SH3GL1: variants seen among roughly 807,000 people sequenced by gnomAD.
SH3GL1 encodes the protein endophilin-A2.
A neutral mutation model predicts 48.8 loss-of-function variants in SH3GL1; 21 were observed. That is an observed-to-expected ratio of 0.43 (90% CI 0.30 to 0.62). The LOEUF (loss-of-function observed/expected upper bound fraction) is 0.62, where lower values mean the gene tolerates loss of function less well. Ranked by LOEUF, SH3GL1 falls within the 20% of genes least tolerant of loss-of-function variation. The pLI is 0.11. For synonymous variants in SH3GL1, 282 were observed against 217.5 expected (o/e 1.30, Z -2.61); for missense variants, 454 against 503.0 (o/e 0.90, Z 0.93).
At chr19:4,379,329 G>C (rs1334585929) in intron 1 of SH3GL1, among the ~76,000 whole-genome samples, 3 of 151,904 alleles carry the variant, frequency 2.0e-5, no homozygotes, top group Non-Finnish European at 4.4e-5. Flanking sequence ...GGGAGGCTGA[G>C]GCAGGAGAAT....
intron 1 of SH3GL1, among the ~76,000 whole-genome samples, chr19:4,369,382 A>G (rs1972850452): frequency 6.6e-6 from 1 of 152,190 alleles, no homozygotes; most frequent in Non-Finnish European, 1.5e-5. Context: ...AGCCGGGAGG[A>G]GAACTGAAGC....
intron 1 of SH3GL1, among the ~76,000 whole-genome samples, chr19:4,381,476 C>T (rs1973128344): frequency 7.5e-6 from 1 of 132,970 alleles, no homozygotes; most frequent in Non-Finnish European, 1.6e-5. Flanking sequence ...CTCTCTGTCC[C>T]CTCTGCCTCT....
intron 9 of SH3GL1, among the ~76,000 whole-genome samples, chr19:4,362,120 A>G (rs997497497): frequency 1.3e-5 from 2 of 152,228 alleles, no homozygotes; most frequent in African/African-American, 4.8e-5. Context: ...TAGCTGGGCT[A>G]GTGCCCTTGG....
intron 1 of SH3GL1, among the ~76,000 whole-genome samples, chr19:4,370,391 C>T (rs1599599323): frequency 6.6e-6 from 1 of 152,346 alleles, no homozygotes; most frequent in African/African-American, 2.4e-5. Context: ...CTGTTCCCAC[C>T]CCGCATGGCA....
At chr19:4,365,975 G>A (rs1351747592) in intron 3 of SH3GL1, among the ~76,000 whole-genome samples, 1 of 152,154 alleles carries the variant, frequency 6.6e-6, no homozygotes, top group African/African-American at 2.4e-5. Context: ...TCCCGGGGTG[G>A]GTGATGAGCT....
chr19:4,389,168 C>T lies in SH3GL1; in HGVS notation c.45+11156G>A, dbSNP rs1973290019. On this transcript the variant is annotated intron_variant, in intron 1 of 9. Coordinates refer to ENST00000269886, the MANE Select transcript of SH3GL1 (RefSeq NM_003025.4). The surrounding 1 kb of genome is among the most constrained non-coding windows in gnomAD (Gnocchi z 4.5). ...CGTCTCTGGCAACCTCATCAGCAGG[C>T]CAGTGCCCAGCAGAACATGGCCCAT... Among the ~76,000 whole-genome samples the T allele has an allele frequency of 1.3e-5, 2 of 152,170 alleles. 1 individual carries two copies. Among genetic ancestry groups the T allele is most frequent in the Admixed American group, 1.3e-4 (2 of 15,276 alleles).
chr19:4,384,388 A>G (rs188080146), intron 1 of SH3GL1, among the ~76,000 whole-genome samples: 43 of 152,208 alleles, frequency 2.8e-4, no homozygotes, highest in African/African-American at 9.6e-4. Context: ...CGAGTGCGCA[A>G]CACACGATAT....
intron 1 of SH3GL1, among the ~76,000 whole-genome samples, chr19:4,391,240 G>T (rs1444350909): frequency 6.6e-6 from 1 of 152,182 alleles, no homozygotes; most frequent in African/African-American, 2.4e-5. Context: ...GCAGTGTCAT[G>T]TTCTCTGTGT....
At chr19:4,363,672 T>G in intron 6 of SH3GL1, 48 bp downstream of exon 6, 1 of 1,609,458 alleles carries the variant, frequency 6.2e-7, no homozygotes, top group Non-Finnish European at 8.5e-7. Context: ...CACCCCGGCC[T>G]CCCAAGGGCA....
At chr19:4,391,870 C>T (rs1568421723) in intron 1 of SH3GL1, among the ~76,000 whole-genome samples, 1 of 152,238 alleles carries the variant, frequency 6.6e-6, no homozygotes, top group African/African-American at 2.4e-5. Flanking sequence ...GGGTCCACGC[C>T]GCCGGCTCCA....
chr19:4,394,126 C>CAAAAAAAAAA (rs34866100), intron 1 of SH3GL1, among the ~76,000 whole-genome samples: 1 of 89,776 alleles, frequency 1.1e-5, no homozygotes, highest in African/African-American at 4.3e-5. Flanking sequence ...TCCTTTCAGG[C>CAAAAAAAAAA]AAAAAAAAAA....
chr19:4,372,410 T>G (rs919925581), intron 1 of SH3GL1, among the ~76,000 whole-genome samples: 1 of 152,152 alleles, frequency 6.6e-6, no homozygotes, highest in Non-Finnish European at 1.5e-5. Flanking sequence ...CAAGGCCTGG[T>G]CAGCCATGGA....
Position 4,400,409 on chromosome 19 carries a change from G to A in SH3GL1, c.-41C>T, listed in dbSNP as rs1973502645. ...CGAGCCTCCCGCCCGGACCGCGCCAGCGACAGGCTCCCGGGCGCCGCCGAC... is the reference window on the plus strand; with the variant it reads ...CGAGCCTCCCGCCCGGACCGCGCCAACGACAGGCTCCCGGGCGCCGCCGAC... On this transcript the variant is annotated 5_prime_UTR_variant, in exon 1 of 10. Transcript: ENST00000269886. The surrounding 1 kb of genome is among the most constrained non-coding windows in gnomAD (Gnocchi z 4.1). 1.3e-6 allele frequency: 2 copies of A among 1,551,634 alleles called. No homozygotes were observed. Among genetic ancestry groups the A allele is most frequent in the South Asian group, 1.2e-5 (1 of 85,332 alleles).
chr19:4,391,951 T>C (rs765807417), intron 1 of SH3GL1, among the ~76,000 whole-genome samples: 2 of 152,242 alleles, frequency 1.3e-5, no homozygotes, highest in Non-Finnish European at 2.9e-5. Context: ...CACCAGAGCT[T>C]CCTGCAAGAA....
intron 1 of SH3GL1, among the ~76,000 whole-genome samples, chr19:4,394,502 C>T (rs928829586): frequency 6.6e-6 from 1 of 152,112 alleles, no homozygotes; most frequent in African/African-American, 2.4e-5. Flanking sequence ...CAGTCTATGG[C>T]CAGTTCATGA....
intron 1 of SH3GL1, among the ~76,000 whole-genome samples, chr19:4,384,385 G>A (rs748356079): frequency 1.4e-4 from 21 of 152,218 alleles, no homozygotes; most frequent in Non-Finnish European, 2.6e-4. Flanking sequence ...TTACGAGTGC[G>A]CAACACACGA....
At chr19:4,380,577 T>G (rs534894825) in intron 1 of SH3GL1, among the ~76,000 whole-genome samples, 1 of 152,116 alleles carries the variant, frequency 6.6e-6, no homozygotes, top group East Asian at 1.9e-4. Context: ...GCGTCACGGG[T>G]GGGTATCTGG....
intron 3 of SH3GL1, 151 bp from the exon 4 acceptor site, chr19:4,365,776 C>T: frequency 8.8e-7 from 1 of 1,138,492 alleles, no homozygotes; most frequent in Non-Finnish European, 1.3e-6. Flanking sequence ...CCCAGAGGGT[C>T]CCTTCCCTGC....
At chr19:4,375,741 G>T (rs1034035725) in intron 1 of SH3GL1, among the ~76,000 whole-genome samples, 4 of 152,186 alleles carry the variant, frequency 2.6e-5, no homozygotes, top group Admixed American at 2.6e-4. Context: ...ACATACAACT[G>T]GTAAAATCAG....
Sources: allele counts gnomAD v4.1 joint callset (sites outside exome capture counted in the v4.1 genomes callset), GRCh38; gene constraint gnomAD v4.1.1; non-coding constraint Gnocchi (gnomAD v3.1); transcripts MANE v1.5; gene names NCBI Gene and HGNC (gene_info 2026-07-23, HGNC 2026-07-21).